CCSER1: variants seen among roughly 807,000 people sequenced by gnomAD.
The protein encoded by CCSER1 is serine-rich coiled-coil domain-containing protein 1.
A neutral mutation model predicts 82.0 loss-of-function variants in CCSER1; 41 were observed. The observed-to-expected ratio is 0.50, with a 90% CI of 0.39 to 0.65. The LOEUF (loss-of-function observed/expected upper bound fraction) is 0.65, where lower values mean the gene tolerates loss of function less well. Ranked by LOEUF, CCSER1 falls within the 30% of genes least tolerant of loss-of-function variation. CCSER1 has a pLI of 0.00. For missense variants in CCSER1, 1,119 were observed against 1,064.2 expected (o/e 1.05, Z -0.72); for synonymous variants, 414 against 383.9 (o/e 1.08, Z -0.92).
intron 5 of CCSER1, among the ~76,000 whole-genome samples, chr4:90,510,690 G>A (rs78336069): frequency 0.012 from 1,782 of 152,332 alleles, 13 homozygotes; most frequent in South Asian, 0.022. Flanking sequence ...GCTGTGTGCT[G>A]CTGCCATGAG....
intron 3 of CCSER1, among the ~76,000 whole-genome samples, chr4:90,381,401 G>T (rs186587533): frequency 8.5e-5 from 13 of 152,182 alleles, no homozygotes; most frequent in African/African-American, 2.4e-4. Context: ...ACGGGAAAAT[G>T]GTGAAAACAA....
At chr4:91,372,030 T>C (rs1328814587) in intron 10 of CCSER1, among the ~76,000 whole-genome samples, 4 of 152,224 alleles carry the variant, frequency 2.6e-5, no homozygotes, top group African/African-American at 9.6e-5. Flanking sequence ...AGTTTCCTAC[T>C]ATAAATAAAA....
At chr4:91,182,134 G>C (rs939051966) in intron 10 of CCSER1, among the ~76,000 whole-genome samples, 1 of 152,164 alleles carries the variant, frequency 6.6e-6, no homozygotes, top group Non-Finnish European at 1.5e-5. Flanking sequence ...GCTCATGACA[G>C]TTGGGGTCCT....
At chr4:90,483,978 G>C (rs964675894) in intron 5 of CCSER1, among the ~76,000 whole-genome samples, 9 of 152,120 alleles carry the variant, frequency 5.9e-5, no homozygotes, top group African/African-American at 2.4e-5. Context: ...TTTCCAACTT[G>C]GTTCCATTCT....
intron 10 of CCSER1, among the ~76,000 whole-genome samples, chr4:91,508,519 G>T (rs1400687426): frequency 6.7e-6 from 1 of 148,338 alleles, no homozygotes; most frequent in Non-Finnish European, 1.5e-5. Flanking sequence ...TTTGATGAAG[G>T]TGTTTGCATC....
chr4:90,338,180 C>G (rs1051233434), intron 3 of CCSER1, among the ~76,000 whole-genome samples: 1 of 152,174 alleles, frequency 6.6e-6, no homozygotes, highest in African/African-American at 2.4e-5. Flanking sequence ...CCTCACCTCC[C>G]ACTATCTTCA....
intron 4 of CCSER1, among the ~76,000 whole-genome samples, chr4:90,466,492 A>G (rs1763666768): frequency 1.3e-5 from 2 of 152,208 alleles, no homozygotes; most frequent in Admixed American, 1.3e-4. Flanking sequence ...TCACACAGAG[A>G]CATTAGATAA....
intron 8 of CCSER1, among the ~76,000 whole-genome samples, chr4:90,913,020 C>A (rs892832145): frequency 6.6e-6 from 1 of 152,114 alleles, no homozygotes; most frequent in Non-Finnish European, 1.5e-5. Context: ...GATTGGTGTA[C>A]CTGAAAGTGA....
chr4:91,442,936 C>A (rs1315058061), intron 10 of CCSER1, among the ~76,000 whole-genome samples: 2 of 152,138 alleles, frequency 1.3e-5, no homozygotes, highest in Non-Finnish European at 2.9e-5. Context: ...CCATCTCACA[C>A]CAGTTAGAAT....
intron 10 of CCSER1, among the ~76,000 whole-genome samples, chr4:91,253,700 G>A (rs969798661): frequency 6.6e-6 from 1 of 152,090 alleles, no homozygotes; most frequent in Non-Finnish European, 1.5e-5. Context: ...TTAGTTCATT[G>A]TTTCATTGCT....
intron 5 of CCSER1, among the ~76,000 whole-genome samples, chr4:90,583,385 C>T (rs748483181): frequency 3.9e-5 from 6 of 152,000 alleles, no homozygotes; most frequent in Non-Finnish European, 7.4e-5. Context: ...AGGTTGGCCT[C>T]GAACTCCTGA....
At chr4:90,373,906 G>T (rs547285239) in intron 3 of CCSER1, among the ~76,000 whole-genome samples, 2 of 152,276 alleles carry the variant, frequency 1.3e-5, no homozygotes, top group Middle Eastern at 6.8e-3. Context: ...ACCACTGCAT[G>T]TACAGATGTC....
rs535926591 is a variant in CCSER1, at chr4:91,144,421, T to G, written c.2217+58427T>G. ...CTTTCAAAGAACCAATTTTTATTTT[T>G]GTTGATCTTTTGTATGAATTTTTGG... On this transcript the variant is annotated intron_variant, in intron 10 of 10. Transcript: ENST00000509176. Among the ~76,000 whole-genome samples the G allele has an allele frequency of 2.8e-3, 426 of 152,130 alleles. 1 individual carries two copies. Among genetic ancestry groups the G allele is most frequent in the Non-Finnish European group, 3.9e-3 (268 of 67,914 alleles).
At chr4:90,639,621 A>G (rs1025835979) in intron 6 of CCSER1, among the ~76,000 whole-genome samples, 5 of 152,044 alleles carry the variant, frequency 3.3e-5, no homozygotes, top group African/African-American at 1.2e-4. Flanking sequence ...ACTGGAATAG[A>G]GTGGTGACAG....
intron 8 of CCSER1, among the ~76,000 whole-genome samples, chr4:90,899,626 T>G (rs1433379365): frequency 6.6e-6 from 1 of 152,044 alleles, no homozygotes; most frequent in African/African-American, 2.4e-5. Context: ...TATGTTTATT[T>G]GATGCCTAGA....
At chr4:91,149,894 G>C (rs184971197) in intron 10 of CCSER1, among the ~76,000 whole-genome samples, 3,629 of 152,254 alleles carry the variant, frequency 0.024, 68 homozygotes, top group Non-Finnish European at 0.034. Flanking sequence ...TTGTAGTATA[G>C]TTTGAAGTCA....
chr4:91,007,572 A>G (rs72667503), intron 9 of CCSER1, among the ~76,000 whole-genome samples: 52,390 of 150,328 alleles, frequency 0.35, 9,390 homozygotes, highest in Middle Eastern at 0.39. Context: ...TTGTATTTCT[A>G]TTGCATCAAT....
intron 10 of CCSER1, among the ~76,000 whole-genome samples, chr4:91,305,615 A>T (rs978659884): frequency 6.6e-6 from 1 of 152,004 alleles, no homozygotes; most frequent in African/African-American, 2.4e-5. Flanking sequence ...ATTATTTGAA[A>T]GTAGACCAAT....
chr4:90,786,384 A>G (rs1056491156), intron 7 of CCSER1, among the ~76,000 whole-genome samples: 6 of 152,142 alleles, frequency 3.9e-5, no homozygotes, highest in Admixed American at 1.3e-4. Context: ...AAACTATAAC[A>G]TGGTTCCAAT....
Sources: allele counts gnomAD v4.1 joint callset (sites outside exome capture counted in the v4.1 genomes callset), GRCh38; gene constraint gnomAD v4.1.1; transcripts MANE v1.5; gene names NCBI Gene and HGNC (gene_info 2026-07-23, HGNC 2026-07-21).